PHRF1: variants seen among roughly 807,000 people sequenced by gnomAD.
PHRF1 encodes the protein PHD and RING finger domain-containing protein 1.
Under a neutral mutation model 128.9 loss-of-function variants are expected in PHRF1, and 53 were observed. The ratio of observed to expected loss-of-function variants is 0.41; its 90% CI spans 0.33 to 0.52. The LOEUF (loss-of-function observed/expected upper bound fraction) is 0.52. PHRF1 is among the 20% of genes least tolerant of loss of function. The pLI, the probability that PHRF1 is intolerant of heterozygous loss-of-function variation, is 0.21. For synonymous variants in PHRF1, 1,178 were observed against 980.6 expected, an observed-to-expected ratio of 1.20 and a Z score of -3.76; for missense variants, 2,503 against 2,284.5, an observed-to-expected ratio of 1.10 and a Z score of -1.95.
At chr11:583,655 G>A (rs964855647) in intron 3 of PHRF1, among the ~76,000 whole-genome samples, 2 of 152,246 alleles carry the variant, frequency 1.3e-5, no homozygotes, top group African/African-American at 2.4e-5. Context: ...CTACGCAGGA[G>A]GCTGAGGTGG....
Position 610,940 on chromosome 11 carries a change from C to T in PHRF1, c.4678-14C>T, listed in dbSNP as rs1856349769. ...GCTCCCTTCCTGGCCGCATCACACA[C>T]ATGTCCCCTCTAGTACATGAAGAAG... is the stretch of plus-strand genomic sequence containing the variant. On this transcript the variant is annotated splice_polypyrimidine_tract_variant and intron_variant, in intron 16 of 17. Coordinates refer to ENST00000264555, the MANE Select transcript of PHRF1 (RefSeq NM_001286581.2). 6.2e-7 allele frequency: 1 copy of T among 1,612,282 alleles called. No individual in the cohort carries two copies. The highest frequency in any genetic ancestry group is 8.5e-7 in the Non-Finnish European group (1 of 1,179,318).
chr11:586,483 G>A (rs557367918), intron 3 of PHRF1, among the ~76,000 whole-genome samples: 5 of 152,360 alleles, frequency 3.3e-5, no homozygotes, highest in Admixed American at 6.5e-5. Flanking sequence ...GCCCACATGC[G>A]TGGAACCGGG....
rs897623360 is a variant in PHRF1, at chr11:612,029, C to T, written c.*252C>T. The T allele has an allele frequency of 7.7e-6, 4 of 520,520 alleles. No homozygotes were observed. Among genetic ancestry groups the T allele is most frequent in the East Asian group, 3.2e-5 (1 of 31,160 alleles). The allele number at this position is 520,520 out of a possible 1,614,324, so 32.2% of individuals were successfully genotyped here. Reference sequence around the variant, plus strand: ...ATATTATAGAGACACTGTTTCCATTCTAATTTATCAAAAATGGATTATCTT... The same window carrying T: ...ATATTATAGAGACACTGTTTCCATTTTAATTTATCAAAAATGGATTATCTT... On this transcript the variant is annotated 3_prime_UTR_variant, in exon 18 of 18. Coordinates refer to ENST00000264555, the MANE Select transcript of PHRF1 (RefSeq NM_001286581.2).
intron 2 of PHRF1, 30 bp from the exon 3 acceptor site, chr11:581,932 C>G (rs747522104): frequency 1.3e-5 from 20 of 1,559,610 alleles, no homozygotes; most frequent in Non-Finnish European, 1.6e-5. Context: ...TGACGCCGCC[C>G]TGCGGCCTGT....
intron 4 of PHRF1, among the ~76,000 whole-genome samples, chr11:588,529 A>G (rs1854727946): frequency 6.6e-6 from 1 of 152,022 alleles, no homozygotes; most frequent in South Asian, 2.1e-4. Context: ...GTAGGTGCCC[A>G]CCACCACGCC....
In PHRF1 at chr11:597,085, G is replaced by A. The variant is rs376497060; in HGVS notation, c.718+65G>A. On this transcript the variant is annotated intron_variant, in intron 7 of 17. Coordinates refer to ENST00000264555, the MANE Select transcript of PHRF1 (RefSeq NM_001286581.2). This position sits in a 1 kb window ranked among gnomAD's most constrained non-coding sequence, Gnocchi z 6.5. ...TCTCACTGTCCACTCTGCGGTCCCC[G>A]GGGTTAGGTTTGGCTGCTGTGTGGG... is the stretch of plus-strand genomic sequence containing the variant. 3.7e-5 allele frequency: 57 copies of A among 1,523,498 alleles called. No individual in the cohort carries two copies. In the East Asian group the frequency reaches 7.1e-4, roughly 19 times the overall value. 94.4% of individuals were successfully genotyped at this position (1,523,498 alleles called of 1,614,324 possible).
Position 608,258 on chromosome 11 carries a change from G to C in PHRF1, c.2802G>C (p.Arg934Ser). The C allele has an allele frequency of 6.2e-7, 1 of 1,609,878 alleles. No homozygotes were observed. The highest frequency in any genetic ancestry group is 8.5e-7 in the Non-Finnish European group (1 of 1,179,574). The change falls in exon 14 of 18, where the codon AGG (arginine) becomes AGC (serine). Residue 934 changes from arginine to serine, a missense_variant. Transcript: ENST00000264555. ...AGGGCCTGGCTGCCCGGCTGCGGAG[G>C]CCATCCCCCCCAGAGCCCTGGGATG... ...ESQGLAARLR[R>S]PSPPEPWDEE...
Position 581,474 on chromosome 11 carries a change from GGCTCTTCTTTCTTTCAGAGCTGA to G in PHRF1, c.-21-13_-12del. ...GCCTGGGACAGTTTGGAAGTTGCTT[GGCTCTTCTTTCTTTCAGAGCTGA>G]GCTCAATGTGCAGCAATGGATGACG... On this transcript the variant is annotated splice_acceptor_variant and splice_polypyrimidine_tract_variant and 5_prime_UTR_variant and intron_variant, in exon 2 of 18. Coordinates refer to ENST00000264555, the MANE Select transcript of PHRF1 (RefSeq NM_001286581.2). LOFTEE classifies it low-confidence loss of function (5UTR_SPLICE). The G allele has an allele frequency of 6.2e-7, 1 of 1,608,714 alleles. No individual in the cohort carries two copies. The highest frequency in any genetic ancestry group is 8.5e-7 in the Non-Finnish European group (1 of 1,176,372).
At chr11:585,907 G>A (rs1014212955) in intron 3 of PHRF1, among the ~76,000 whole-genome samples, 7 of 151,888 alleles carry the variant, frequency 4.6e-5, no homozygotes, top group African/African-American at 1.7e-4. Flanking sequence ...TGTTGCCCAG[G>A]CTGGAGTGCA....
In PHRF1 at chr11:609,374, G is replaced by C; in HGVS notation, c.3918G>C (p.Lys1306Asn). The change falls in exon 14 of 18, where the codon AAG becomes AAC. Residue 1306 changes from lysine to asparagine, a missense_variant. By Grantham distance (94) the Lys-to-Asn change is moderately conservative (BLOSUM62 0). Coordinates refer to ENST00000264555, the MANE Select transcript of PHRF1 (RefSeq NM_001286581.2). Reference protein sequence around the residue: ...DSSPERDFPLKPALPPASLAV... With the variant: ...DSSPERDFPLNPALPPASLAV... Reference sequence around the variant, plus strand: ...CCCCGGAGCGAGACTTCCCACTGAAGCCTGCGTTGCCCCCAGCCAGCCTGG... The same window carrying C: ...CCCCGGAGCGAGACTTCCCACTGAACCCTGCGTTGCCCCCAGCCAGCCTGG... 1 of 1,611,858 alleles carries C rather than the reference G, an allele frequency of 6.2e-7. No individual in the cohort carries two copies. Among genetic ancestry groups the C allele is most frequent in the Non-Finnish European group, 8.5e-7 (1 of 1,179,882 alleles).
At chr11:599,896 ATC>A (rs1188958119) in intron 9 of PHRF1, among the ~76,000 whole-genome samples, 1 of 152,114 alleles carries the variant, frequency 6.6e-6, no homozygotes, top group Non-Finnish European at 1.5e-5. Context: ...TACTCTGGGA[ATC>A]TCTGTAATTA....
intron 4 of PHRF1, among the ~76,000 whole-genome samples, chr11:587,752 CA>C (rs1854662127): frequency 6.6e-6 from 1 of 152,138 alleles, no homozygotes; most frequent in African/African-American, 2.4e-5. Flanking sequence ...ACATAGGGGC[CA>C]TCTTGGCCTG....
rs748615025 is a variant in PHRF1 at position 598,471 on chromosome 11, G to C, written c.993G>C (p.Pro331=). 2 of 1,609,878 alleles carry C rather than the reference G, an allele frequency of 1.2e-6. No individual in the cohort carries two copies. The highest frequency in any genetic ancestry group is 1.7e-6 in the Non-Finnish European group (2 of 1,179,550). Residue 331 remains proline (P), a synonymous_variant, in exon 9 of 18, where the codon CCG becomes CCC. Coordinates refer to ENST00000264555, the MANE Select transcript of PHRF1 (RefSeq NM_001286581.2). ...CCGTGTATCAGCGCCCCCTGACGCC[G>C]CGCACTCCCGCCCGACGGAAGAGGA... ...STAVYQRPLT[P]RTPARRKRKT...
At chr11:595,872 C>G (rs1296034019) in intron 6 of PHRF1, among the ~76,000 whole-genome samples, 8 of 152,208 alleles carry the variant, frequency 5.3e-5, no homozygotes, top group Non-Finnish European at 1.0e-4. Context: ...TAGTTAGGCT[C>G]TTGGAGTGCC....
At chr11:580,169 A>G (rs1161675652) in intron 1 of PHRF1, among the ~76,000 whole-genome samples, 1 of 152,132 alleles carries the variant, frequency 6.6e-6, no homozygotes, top group Non-Finnish European at 1.5e-5. Flanking sequence ...TGGATTCCTG[A>G]CTCACTCTCC....
intron 3 of PHRF1, among the ~76,000 whole-genome samples, chr11:584,275 T>C (rs900760818): frequency 2.6e-5 from 4 of 152,184 alleles, no homozygotes; most frequent in Non-Finnish European, 5.9e-5. Context: ...GGGCTGAAAG[T>C]GTGGGCCGTC....
intron 9 of PHRF1, 72 bp downstream of exon 9, chr11:598,574 C>T (rs1367968232): frequency 4.0e-6 from 6 of 1,514,202 alleles, no homozygotes; most frequent in Non-Finnish European, 5.3e-6. Flanking sequence ...CTCACTGCTT[C>T]CCTCAAGGCT....
In PHRF1 at chr11:609,429, T is replaced by C. The variant is rs201564523; in HGVS notation, c.3973T>C (p.Leu1325=). 6.5e-5 allele frequency: 105 copies of C among 1,608,644 alleles called. 1 individual carries two copies. Among genetic ancestry groups the C allele is most frequent in the Non-Finnish European group, 8.4e-5 (99 of 1,179,796 alleles). The change falls in exon 14 of 18, where the codon TTG becomes CTG. Residue 1325 remains leucine (L), a synonymous_variant. Transcript: ENST00000264555. ...AVAAIQREVS[L]MHDEDPSQPP... ...GGCCGCCATCCAGAGGGAGGTGTCATTGATGCACGATGAAGACCCTTCGCA... is the reference window on the plus strand; with the variant it reads ...GGCCGCCATCCAGAGGGAGGTGTCACTGATGCACGATGAAGACCCTTCGCA...
At chr11:601,430 A>C in intron 9 of PHRF1, 144 bp from the exon 10 acceptor site, 1 of 541,084 alleles carries the variant, frequency 1.8e-6, no homozygotes, top group Non-Finnish European at 2.5e-6. Flanking sequence ...TCCTGTCTCA[A>C]AAAAAAAAAA....
Sources: allele counts gnomAD v4.1 joint callset (sites outside exome capture counted in the v4.1 genomes callset), GRCh38; gene constraint gnomAD v4.1.1; non-coding constraint Gnocchi (gnomAD v3.1); transcripts MANE v1.5; gene names NCBI Gene and HGNC (gene_info 2026-07-23, HGNC 2026-07-21).